Variants in UBA1 observed in about 807,000 individuals in gnomAD.
The protein encoded by UBA1 is ubiquitin like modifier activating enzyme 1.
A neutral mutation model predicts 84.7 loss-of-function variants in UBA1; 4 were observed. The observed-to-expected ratio is 0.05, with a 90% confidence interval of 0.02 to 0.11. The LOEUF is 0.11. UBA1 is among the 10% of genes least tolerant of loss of function. UBA1 has a pLI of 1.00. For synonymous variants in UBA1, 364 were observed against 362.6 expected (o/e 1.00, Z -0.04); for missense variants, 513 against 902.8 (o/e 0.57, Z 5.53).
upstream of UBA1, among the ~76,000 whole-genome samples, chrX:47,193,211 C>A (rs1936092922): frequency 8.9e-6 from 1 of 111,801 alleles, no homozygotes; most frequent in Non-Finnish European, 1.9e-5. Context: ...TGGGTGGAAC[C>A]TTTCTTGACC....
chrX:47,206,528 C>T, intron 16 of UBA1, 84 bp downstream of exon 16: 1 of 982,495 alleles, frequency 1.0e-6, no homozygotes, highest in Non-Finnish European at 1.4e-6. Context: ...GCCTTGCCTT[C>T]AGATGTTGCA....
chrX:47,200,699 T>G (rs782110467), intron 5 of UBA1, among the ~76,000 whole-genome samples, 195 bp from the exon 6 acceptor site: 19 of 112,185 alleles, frequency 1.7e-4, no homozygotes, highest in African/African-American at 5.5e-4. Flanking sequence ...TCTTCACCTT[T>G]CCTGGTATAG....
At position 47,202,796 on chromosome X, in the gene UBA1, T is replaced by C. The variant is rs1936468957; in HGVS notation, c.1215T>C (p.Ala405=). The C allele has an allele frequency of 5.8e-6, 7 of 1,208,002 alleles. No homozygotes were observed. The East Asian group carries it at 1.8e-4, about 31-fold the overall frequency. ...TAAACGCCTTCATTGGGGGCCTGGC[T>C]GCCCAGGAAGTCATGAAGGTCAGCA... ...APINAFIGGL[A]AQEVMKACSG... Residue 405 remains alanine (A), a synonymous_variant, in exon 11 of 26, where the codon GCT becomes GCC. Transcript: ENST00000335972.
rs1556788593 is a variant in UBA1, at chrX:47,202,452, C to T, written c.1004C>T (p.Ala335Val). The part of the protein sequence containing the change: ...RPAQLHIGFQ[A>V]LHQFCAQHGR... ...GCCCAGCTGCACATTGGCTTCCAGG[C>T]CCTGCACCAGTTCTGTGCTCAGCAT... Residue 335 changes from alanine to valine, a missense_variant, in exon 10 of 26, where the codon GCC becomes GTC. Ala to Val is a moderately conservative substitution (Grantham distance 64). Around this residue, in one of 6 missense-constraint regions of UBA1, gnomAD observed 227 missense variants for 339.1 expected, o/e 0.67. Transcript: ENST00000335972. 8.3e-7 allele frequency: 1 copy of T among 1,206,543 alleles called. No homozygotes were observed. Among genetic ancestry groups the T allele is most frequent in the East Asian group, 3.0e-5 (1 of 33,591 alleles).
At chrX:47,214,768 C>T in intron 25 of UBA1, 26 bp from the exon 26 acceptor site, 1 of 1,209,500 alleles carries the variant, frequency 8.3e-7, no homozygotes, top group Non-Finnish European at 1.1e-6. Flanking sequence ...CCTCCTGACC[C>T]TATACTCCCA....
chrX:47,198,275 G>A (rs1270546740), intron 1 of UBA1: 2 of 980,776 alleles, frequency 2.0e-6, no homozygotes, highest in African/African-American at 4.0e-5. Flanking sequence ...AGAGGAGAAT[G>A]GCTGCTTGTT....
intron 1 of UBA1, chrX:47,197,117 T>A: frequency 2.6e-6 from 2 of 754,740 alleles, no homozygotes. Flanking sequence ...CTCTTAGCAT[T>A]CTAAGCAATT....
At chrX:47,214,122 G>C (rs1488703231) in intron 23 of UBA1, among the ~76,000 whole-genome samples, 1 of 110,892 alleles carries the variant, frequency 9.0e-6, no homozygotes, top group Non-Finnish European at 1.9e-5. Flanking sequence ...TCCCCAGAGT[G>C]AGTGTGAGAT....
intron 20 of UBA1, 41 bp from the exon 21 acceptor site, chrX:47,212,383 C>T (rs961328466): frequency 1.9e-6 from 2 of 1,040,214 alleles, no homozygotes; most frequent in Admixed American, 2.2e-5. Context: ...AGACCTTAGC[C>T]TGGGATCTAA....
At chrX:47,199,018 C>T (rs782351520) in intron 2 of UBA1, 30 bp from the exon 3 acceptor site, 2 of 1,211,318 alleles carry the variant, frequency 1.7e-6, no homozygotes, top group Non-Finnish European at 1.1e-6. Context: ...TGTGTGTCTC[C>T]CTAAACTTGT....
At chrX:47,194,377 A>G (rs1185865370) in intron 1 of UBA1, among the ~76,000 whole-genome samples, 1 of 112,217 alleles carries the variant, frequency 8.9e-6, no homozygotes, top group East Asian at 2.8e-4. Flanking sequence ...AGCATTGCTG[A>G]TCAGAGCTCC....
chrX:47,197,472 G>A, intron 1 of UBA1: 2 of 754,512 alleles, frequency 2.7e-6, no homozygotes, highest in Non-Finnish European at 3.1e-6. Context: ...GATACTTAGT[G>A]TCATAAAAGT....
At position 47,203,172 on chromosome X, in the gene UBA1, C is replaced by T. The variant is rs2147262470; in HGVS notation, c.1377C>T (p.Gly459=). 1.7e-6 allele frequency: 2 copies of T among 1,211,997 alleles called. No individual in the cohort carries two copies. Among genetic ancestry groups the T allele is most frequent in the Non-Finnish European group, 2.2e-6 (2 of 895,576 alleles). The change falls in exon 13 of 26, where the codon GGC becomes GGT. Residue 459 remains glycine, a synonymous_variant. Coordinates refer to ENST00000335972, the MANE Select transcript of UBA1 (RefSeq NM_003334.4). ...ATGACGGGCAAGTGGCTGTGTTTGG[C>T]TCAGACCTGCAAGAGAAGCTGGGCA... ...NRYDGQVAVF[G]SDLQEKLGKQ...
chrX:47,213,446 T>C (rs1312617479), intron 23 of UBA1, among the ~76,000 whole-genome samples: 1 of 112,737 alleles, frequency 8.9e-6, no homozygotes, highest in Non-Finnish European at 1.9e-5. Context: ...TTAAGTGCTT[T>C]GCTTGCTTCA....
At chrX:47,209,451 G>C in intron 16 of UBA1, 172 bp from the exon 17 acceptor site, 1 of 534,304 alleles carries the variant, frequency 1.9e-6, no homozygotes. Flanking sequence ...ACTGTGCCTG[G>C]CCTGGTTTTT....
chrX:47,203,320 C>A, intron 13 of UBA1, 106 bp downstream of exon 13: 2 of 962,601 alleles, frequency 2.1e-6, no homozygotes, highest in African/African-American at 1.9e-5. Context: ...TTCTCTTTGC[C>A]ATTCTCCTTA....
At chrX:47,197,310 A>G in intron 1 of UBA1, 1 of 754,801 alleles carries the variant, frequency 1.3e-6, no homozygotes, top group Non-Finnish European at 1.6e-6. Flanking sequence ...ATTTGGGCAT[A>G]GGGTTATCTG....
chrX:47,196,002 C>T (rs1158919966), intron 1 of UBA1, among the ~76,000 whole-genome samples: 2 of 111,050 alleles, frequency 1.8e-5, no homozygotes, highest in East Asian at 5.7e-4. Flanking sequence ...CAGACCCCAA[C>T]ATCTTCCTGC....
chrX:47,193,421 C>T (rs1556784610), upstream of UBA1, among the ~76,000 whole-genome samples: 3 of 111,562 alleles, frequency 2.7e-5, no homozygotes, highest in African/African-American at 9.8e-5. Flanking sequence ...GTCTCCTTGG[C>T]TTCCGGGCCC....
Sources: allele counts gnomAD v4.1 joint callset (sites outside exome capture counted in the v4.1 genomes callset), GRCh38; gene constraint gnomAD v4.1.1; regional missense constraint gnomAD v4.1.1; transcripts MANE v1.5; gene names NCBI Gene and HGNC (gene_info 2026-07-23, HGNC 2026-07-21).